IL1RAPL2: variants seen among roughly 807,000 people sequenced by gnomAD.
IL1RAPL2 encodes the protein interleukin 1 receptor accessory protein like 2, also known as X-linked interleukin-1 receptor accessory protein-like 2.
IL1RAPL2 carries 3 observed loss-of-function variants against 44.1 expected under a neutral mutation model. The observed-to-expected ratio is 0.07, with a 90% confidence interval of 0.03 to 0.18. The LOEUF is 0.18. Ranked by LOEUF, IL1RAPL2 falls within the 10% of genes least tolerant of loss-of-function variation. The probability of loss-of-function intolerance (pLI) is 1.00; values close to 1 mark genes in which losing one functional copy is unlikely to be tolerated. For synonymous variants in IL1RAPL2, 181 were observed against 178.8 expected (o/e 1.01, Z -0.10); for missense variants, 391 against 496.4 (o/e 0.79, Z 2.02).
chrX:104,645,619 T>C (rs1930021445), intron 1 of IL1RAPL2, among the ~76,000 whole-genome samples: 1 of 112,367 alleles, frequency 8.9e-6, no homozygotes, highest in South Asian at 3.7e-4. Flanking sequence ...TTCAAAACAC[T>C]CCATATTTCT....
At chrX:104,587,200 A>G (rs1362224970) in intron 1 of IL1RAPL2, among the ~76,000 whole-genome samples, 8 of 111,952 alleles carry the variant, frequency 7.1e-5, no homozygotes, top group Non-Finnish European at 1.3e-4. Flanking sequence ...GAAGACAGTA[A>G]TGATACCTAC....
intron 2 of IL1RAPL2, among the ~76,000 whole-genome samples, chrX:105,051,347 C>T (rs747417127): frequency 4.4e-5 from 5 of 112,728 alleles, no homozygotes; most frequent in East Asian, 5.7e-4. Context: ...TCCTGTGCCT[C>T]GGAGGGCAGC....
At chrX:104,691,393 C>G (rs1181211536) in intron 2 of IL1RAPL2, among the ~76,000 whole-genome samples, 2 of 112,069 alleles carry the variant, frequency 1.8e-5, no homozygotes, top group Non-Finnish European at 1.9e-5. Context: ...GTTGTGAAAA[C>G]AGACTCATTT....
At chrX:105,083,338 G>C (rs956553100) in intron 2 of IL1RAPL2, among the ~76,000 whole-genome samples, 3 of 111,792 alleles carry the variant, frequency 2.7e-5, no homozygotes, top group African/African-American at 9.8e-5. Context: ...TGGTGTGCCT[G>C]AAAGTGACTG....
At chrX:105,526,634 T>C (rs2036596629) in intron 6 of IL1RAPL2, among the ~76,000 whole-genome samples, 1 of 111,739 alleles carries the variant, frequency 8.9e-6, no homozygotes, top group Non-Finnish European at 1.9e-5. Flanking sequence ...CTGTTTGCTA[T>C]TATGGGCTTC....
At chrX:104,928,759 G>C (rs1402483108) in intron 2 of IL1RAPL2, among the ~76,000 whole-genome samples, 3 of 111,171 alleles carry the variant, frequency 2.7e-5, no homozygotes, top group Non-Finnish European at 5.7e-5. Flanking sequence ...TTACTTCGTA[G>C]AATAAGAAAG....
chrX:104,891,700 A>G (rs1199983126), intron 2 of IL1RAPL2, among the ~76,000 whole-genome samples: 1 of 111,977 alleles, frequency 8.9e-6, no homozygotes, highest in Non-Finnish European at 1.9e-5. Context: ...TTGGGCTGAA[A>G]TGATGGAGTT....
At position 105,200,694 on chromosome X, in the gene IL1RAPL2, A is replaced by G. The variant is rs781783586; in HGVS notation, c.356+4946A>G. Among the ~76,000 whole-genome samples, 602 of 111,813 alleles carry G rather than the reference A, an allele frequency of 5.4e-3. 4 individuals carry two copies. Among genetic ancestry groups the G allele is most frequent in the African/African-American group, 0.019 (576 of 30,749 alleles). Reference sequence around the variant, plus strand: ...TGGGAGGCTGAGGCAGGTGGATCACATGAGGCCAGGAGTTCAAGCCCAGCC... The same window carrying G: ...TGGGAGGCTGAGGCAGGTGGATCACGTGAGGCCAGGAGTTCAAGCCCAGCC... On this transcript the variant is annotated intron_variant, in intron 3 of 10. Coordinates refer to ENST00000372582, the MANE Select transcript of IL1RAPL2 (RefSeq NM_017416.2).
intron 2 of IL1RAPL2, among the ~76,000 whole-genome samples, chrX:104,901,581 C>T (rs932828994): frequency 2.7e-5 from 3 of 110,479 alleles, no homozygotes; most frequent in African/African-American, 9.9e-5. Context: ...TTTGGCAGGG[C>T]TCTATCAGCA....
At chrX:105,468,642 G>A (rs1317376691) in intron 5 of IL1RAPL2, among the ~76,000 whole-genome samples, 1 of 111,763 alleles carries the variant, frequency 8.9e-6, no homozygotes, top group Admixed American at 9.5e-5. Context: ...GAATGACCCA[G>A]AGTGTGAGGC....
chrX:105,596,538 A>G (rs760359182), intron 6 of IL1RAPL2, among the ~76,000 whole-genome samples: 13 of 111,907 alleles, frequency 1.2e-4, no homozygotes, highest in Non-Finnish European at 1.7e-4. Flanking sequence ...TACTATTTCA[A>G]TCTTCTTAAA....
chrX:105,496,645 A>G (rs1460303732), intron 6 of IL1RAPL2, among the ~76,000 whole-genome samples: 3 of 112,025 alleles, frequency 2.7e-5, no homozygotes, highest in Non-Finnish European at 5.6e-5. Context: ...GTAGTGATTA[A>G]GGTTCTTTGT....
Position 105,398,804 on chromosome X carries a change from C to T in IL1RAPL2, c.698-85509C>T, listed in dbSNP as rs755009983. Among the ~76,000 whole-genome samples the T allele has an allele frequency of 1.3e-4, 14 of 111,891 alleles. No individual in the cohort carries two copies. In the South Asian group the frequency reaches 5.2e-3, roughly 42 times the overall value. On this transcript the variant is annotated intron_variant, in intron 5 of 10. Transcript: ENST00000372582. ...ACTGAAAGTTAAATTAGAATGCCAG[C>T]TGTTATAAGGAGCATGTTAATCTTC...
At chrX:105,706,243 C>A (rs997504881) in intron 6 of IL1RAPL2, among the ~76,000 whole-genome samples, 6 of 111,355 alleles carry the variant, frequency 5.4e-5, no homozygotes, top group Non-Finnish European at 9.4e-5. Context: ...TAGAAATCTC[C>A]GCTGTTAAGC....
chrX:105,033,379 G>A (rs1358809655), intron 2 of IL1RAPL2, among the ~76,000 whole-genome samples: 1 of 111,582 alleles, frequency 9.0e-6, no homozygotes, highest in African/African-American at 3.3e-5. Flanking sequence ...TCCTTTCCAT[G>A]TTTATTGCTT....
chrX:105,295,283 A>G (rs1171524796), intron 5 of IL1RAPL2, among the ~76,000 whole-genome samples: 1 of 111,709 alleles, frequency 9.0e-6, no homozygotes, highest in Admixed American at 9.5e-5. Context: ...GAAGTGGTAA[A>G]TTTGGTGGCA....
chrX:105,397,633 G>C (rs188344386), intron 5 of IL1RAPL2, among the ~76,000 whole-genome samples: 26 of 111,158 alleles, frequency 2.3e-4, no homozygotes, highest in African/African-American at 8.2e-4. Context: ...CAGAGAACTT[G>C]ATGGAATAAG....
intron 2 of IL1RAPL2, among the ~76,000 whole-genome samples, chrX:104,854,652 A>ATTTTTTTTTTTTTTTTTTTTT: frequency 9.9e-6 from 1 of 101,008 alleles, no homozygotes. Flanking sequence ...AAGAGAAAGA[A>ATTTTTTTTTTTTTTTTTTTTT]TTTTTTTTTT....
intron 7 of IL1RAPL2, among the ~76,000 whole-genome samples, chrX:105,735,190 T>C (rs1261313263): frequency 9.0e-6 from 1 of 111,543 alleles, no homozygotes; most frequent in African/African-American, 3.3e-5. Context: ...TTTTGGAATA[T>C]AGTGATGTCT....
Sources: allele counts gnomAD v4.1 joint callset (sites outside exome capture counted in the v4.1 genomes callset), GRCh38; gene constraint gnomAD v4.1.1; transcripts MANE v1.5; gene names NCBI Gene and HGNC (gene_info 2026-07-23, HGNC 2026-07-21).